The following PALM2AKAP2 variants were observed in gnomAD, a reference collection of about 807,000 sequenced individuals.
PALM2AKAP2 encodes the protein PALM2 and AKAP2 fusion.
In PALM2AKAP2, 37 loss-of-function variants were observed where a neutral mutation model predicts 71.5. The ratio of observed to expected loss-of-function variants is 0.52; its 90% CI spans 0.40 to 0.68. PALM2AKAP2 has a LOEUF of 0.68. Among genes scored for constraint, PALM2AKAP2 ranks in the 30% least tolerant of loss-of-function variants. PALM2AKAP2 has a pLI of 0.00. For synonymous variants in PALM2AKAP2, 468 were observed against 478.8 expected, an observed-to-expected ratio of 0.98 and a Z score of 0.29; for missense variants, 1,224 against 1,191.8, an observed-to-expected ratio of 1.03 and a Z score of -0.40.
intron 1 of PALM2AKAP2, among the ~76,000 whole-genome samples, chr9:110,122,993 A>G (rs926592636): frequency 1.3e-5 from 2 of 152,124 alleles, no homozygotes; most frequent in African/African-American, 4.8e-5. Context: ...CTGGTTTTTC[A>G]TGTCTCCCTC....
At chr9:110,037,085 A>G (rs943512359) in intron 7 of PALM2AKAP2, among the ~76,000 whole-genome samples, 1 of 151,682 alleles carries the variant, frequency 6.6e-6, no homozygotes. Flanking sequence ...CTTTCCTGTT[A>G]TCTATGACAT....
intron 6 of PALM2AKAP2, among the ~76,000 whole-genome samples, chr9:109,972,764 A>G (rs1340844477): frequency 2.6e-5 from 4 of 152,192 alleles, no homozygotes; most frequent in African/African-American, 9.6e-5. Flanking sequence ...CAAAGTTCAC[A>G]AACATTACCT....
At chr9:109,913,209 G>A (rs1292757320) in intron 3 of PALM2AKAP2, among the ~76,000 whole-genome samples, 1 of 152,214 alleles carries the variant, frequency 6.6e-6, no homozygotes, top group Non-Finnish European at 1.5e-5. Flanking sequence ...AAACTTCAAG[G>A]TCATGGGTGA....
chr9:109,795,127 A>C (rs909114432), intron 1 of PALM2AKAP2, among the ~76,000 whole-genome samples: 2 of 152,344 alleles, frequency 1.3e-5, no homozygotes, highest in East Asian at 3.9e-4. Flanking sequence ...GATCTTTTGC[A>C]TTATAGGATG....
intron 1 of PALM2AKAP2, among the ~76,000 whole-genome samples, chr9:109,705,573 T>C (rs762182311): frequency 2.0e-5 from 3 of 152,196 alleles, no homozygotes; most frequent in Non-Finnish European, 2.9e-5. Flanking sequence ...GGACAAAATA[T>C]TGCTATGTGA....
chr9:109,725,584 G>A (rs1376769937), intron 1 of PALM2AKAP2, among the ~76,000 whole-genome samples: 1 of 152,150 alleles, frequency 6.6e-6, no homozygotes, highest in Non-Finnish European at 1.5e-5. Flanking sequence ...GTAAGAAAAA[G>A]TTGTAAACTA....
chr9:109,820,958 T>C (rs2131489190), intron 1 of PALM2AKAP2, among the ~76,000 whole-genome samples: 1 of 152,352 alleles, frequency 6.6e-6, no homozygotes, highest in African/African-American at 2.4e-5. Context: ...TGCCTGAAGC[T>C]TCTCCCAGCT....
At chr9:109,855,207 G>T (rs1429193579) in intron 1 of PALM2AKAP2, among the ~76,000 whole-genome samples, 1 of 152,072 alleles carries the variant, frequency 6.6e-6, no homozygotes, top group Non-Finnish European at 1.5e-5. Context: ...TGAGTAGTTG[G>T]GATTACAGGC....
chr9:110,147,857 G>A (rs866150476), intron 2 of PALM2AKAP2, among the ~76,000 whole-genome samples: 8 of 152,190 alleles, frequency 5.3e-5, no homozygotes, highest in Non-Finnish European at 1.0e-4. Context: ...ATAAATAACC[G>A]AACACACATG....
At chr9:109,931,281 A>C (rs2131993958) in intron 5 of PALM2AKAP2, among the ~76,000 whole-genome samples, 1 of 152,308 alleles carries the variant, frequency 6.6e-6, no homozygotes, top group African/African-American at 2.4e-5. Context: ...TTACATAGCA[A>C]CATTCCCTGC....
At chr9:110,120,571 C>T (rs868716268) in intron 1 of PALM2AKAP2, among the ~76,000 whole-genome samples, 7 of 152,208 alleles carry the variant, frequency 4.6e-5, no homozygotes, top group South Asian at 2.1e-4. Flanking sequence ...GGTGCGATCT[C>T]GGCTCACTGC....
At chr9:109,869,860 A>C (rs775283391) in intron 2 of PALM2AKAP2, among the ~76,000 whole-genome samples, 1 of 152,192 alleles carries the variant, frequency 6.6e-6, no homozygotes, top group Non-Finnish European at 1.5e-5. Context: ...CAACCTTGCT[A>C]TTGCAGGGCA....
chr9:109,794,288 G>C (rs1193397513), intron 1 of PALM2AKAP2, among the ~76,000 whole-genome samples: 2 of 151,962 alleles, frequency 1.3e-5, no homozygotes, highest in Non-Finnish European at 2.9e-5. Flanking sequence ...CAGAAAATCT[G>C]ATCTCTTAGG....
At chr9:109,827,124 G>T (rs539285608) in intron 1 of PALM2AKAP2, among the ~76,000 whole-genome samples, 23 of 152,244 alleles carry the variant, frequency 1.5e-4, no homozygotes, top group African/African-American at 5.5e-4. Flanking sequence ...CTGCTAAAAA[G>T]TCTCACTGCT....
intron 1 of PALM2AKAP2, among the ~76,000 whole-genome samples, chr9:110,056,433 A>C (rs1833843143): frequency 6.6e-6 from 1 of 152,234 alleles, no homozygotes; most frequent in South Asian, 2.1e-4. Context: ...CAAAGGAATA[A>C]ATCTTAGTTA....
intron 1 of PALM2AKAP2, among the ~76,000 whole-genome samples, chr9:109,735,031 CA>C (rs1828608968): frequency 1.3e-5 from 2 of 151,774 alleles, no homozygotes; most frequent in East Asian, 1.9e-4. Context: ...AGCTGTTTCT[CA>C]AGGAGCATTG....
At chr9:109,757,147 A>G (rs1828976322) in intron 1 of PALM2AKAP2, among the ~76,000 whole-genome samples, 1 of 152,074 alleles carries the variant, frequency 6.6e-6, no homozygotes, top group African/African-American at 2.4e-5. Context: ...GCTTCTAGTA[A>G]CCATCATTCT....
At chr9:109,896,913 C>T (rs1332979684) in intron 3 of PALM2AKAP2, among the ~76,000 whole-genome samples, 1 of 152,218 alleles carries the variant, frequency 6.6e-6, no homozygotes, top group Non-Finnish European at 1.5e-5. Context: ...TTTCAAATAT[C>T]CTAACTGAAA....
chr9:109,932,468 A>G (rs1831128928), intron 6 of PALM2AKAP2, among the ~76,000 whole-genome samples: 1 of 152,246 alleles, frequency 6.6e-6, no homozygotes, highest in African/African-American at 2.4e-5. Context: ...CTATTTGTAT[A>G]TTATGAATAC....
Sources: gnomAD v4.1 joint callset for allele counts (sites outside exome capture counted in the v4.1 genomes callset) on GRCh38, gnomAD v4.1.1 for gene constraint, MANE v1.5 for transcripts, NCBI Gene and HGNC (gene_info 2026-07-23, HGNC 2026-07-21) for gene names.